Variants in USP32 observed in about 807,000 individuals in gnomAD.
USP32 encodes ubiquitin specific peptidase 32.
USP32 carries 59 observed loss-of-function variants against 204.8 expected under a neutral mutation model. The observed-to-expected ratio is 0.29, with a 90% CI of 0.23 to 0.36. The LOEUF is 0.36. USP32 is among the 10% of genes least tolerant of loss of function. The pLI, the probability that USP32 is intolerant of heterozygous loss-of-function variation, is 1.00. For synonymous variants in USP32, 517 were observed against 678.4 expected (o/e 0.76, Z 3.70); for missense variants, 1,160 against 1,946.4 (o/e 0.60, Z 7.60).
intron 28 of USP32, among the ~76,000 whole-genome samples, chr17:60,191,817 C>G (rs961804040): frequency 1.3e-5 from 2 of 152,090 alleles, no homozygotes; most frequent in African/African-American, 4.8e-5. Flanking sequence ...CCAATGCCTA[C>G]TTTAGACTCA....
chr17:60,240,490 A>AAGGG (rs1003531019), intron 11 of USP32, among the ~76,000 whole-genome samples: 3 of 139,414 alleles, frequency 2.2e-5, no homozygotes, highest in African/African-American at 1.0e-4. Flanking sequence ...AAAGAGAAAA[A>AAGGG]AGGGAGAGAG....
intron 1 of USP32, among the ~76,000 whole-genome samples, chr17:60,368,991 ATTTTT>A (rs758528054): frequency 4.4e-5 from 5 of 114,136 alleles, no homozygotes; most frequent in African/African-American, 5.1e-5. Context: ...TTTTTAAAAG[ATTTTT>A]TTTTTTTTTT....
intron 11 of USP32, chr17:60,249,672 T>C: frequency 1.4e-6 from 1 of 692,642 alleles, no homozygotes; most frequent in African/African-American, 1.8e-5. Flanking sequence ...ACCACACACT[T>C]CCATTGTTCT....
intron 3 of USP32, among the ~76,000 whole-genome samples, chr17:60,299,443 C>T (rs992090092): frequency 2.6e-5 from 4 of 152,124 alleles, no homozygotes; most frequent in African/African-American, 9.7e-5. Flanking sequence ...AGAACACATG[C>T]AAGAGGGAGA....
rs1317320659 is a variant in USP32, at chr17:60,183,232, C to T, written c.4056G>A (p.Gly1352=). 6.2e-7 allele frequency: 1 copy of T among 1,613,986 alleles called. No individual in the cohort carries two copies. The highest frequency in any genetic ancestry group is 1.1e-5 in the South Asian group (1 of 91,078). The change falls in exon 31 of 34, where the codon GGG becomes GGA. Residue 1352 remains glycine (G), a synonymous_variant. Transcript: ENST00000300896. The stretch of plus-strand genomic sequence containing the variant: ...TTTTGCTCAGGAGCACGTCCTCTTC[C>T]CCAGCCGAACTCTGCGCATCCACTT... ...VKKVDAQSSA[G]EEDVLLSKSP...
chr17:60,419,814 AAAAATTATTATT>A (rs1292229231), intron 1 of USP32, among the ~76,000 whole-genome samples: 2 of 107,796 alleles, frequency 1.9e-5, no homozygotes, highest in African/African-American at 4.1e-5. Context: ...CAAGGTTAAA[AAAAATTATTATT>A]ATTATTATTA....
In USP32 at chr17:60,179,353, G is replaced by T. The variant is rs1378518779; in HGVS notation, c.4717C>A (p.Gln1573Lys). ...FYEQQGIDYAQFLPKTDGKKM... is the reference protein window; with the variant it reads ...FYEQQGIDYAKFLPKTDGKKM... ...TTGCCATCAGTCTTTGGCAGAAATT[G>T]TGCATAGTCTATCCCCTGCTGCTCA... Residue 1573 changes from glutamine (Q) to lysine (K), a missense_variant, in exon 34 of 34, where the codon CAA becomes AAA. Gln to Lys is a moderately conservative substitution (Grantham distance 53). This residue lies in a region of USP32 where 244 missense variants were observed against 342.3 expected (regional missense o/e 0.71). Coordinates refer to ENST00000300896, the MANE Select transcript of USP32 (RefSeq NM_032582.4). The T allele has an allele frequency of 2.4e-5, 38 of 1,613,596 alleles. No homozygotes were observed. The highest frequency in any genetic ancestry group is 2.8e-5 in the Non-Finnish European group (33 of 1,179,876).
At chr17:60,315,265 C>T (rs1382779034) in intron 2 of USP32, among the ~76,000 whole-genome samples, 1 of 151,868 alleles carries the variant, frequency 6.6e-6, no homozygotes, top group Non-Finnish European at 1.5e-5. Flanking sequence ...CCAGGCGTGG[C>T]GGTGTGCGCC....
intron 1 of USP32, among the ~76,000 whole-genome samples, chr17:60,390,352 C>G (rs2089809108): frequency 6.6e-6 from 1 of 152,212 alleles, no homozygotes. Flanking sequence ...CTAATGTCCT[C>G]TTTCATGCCA....
chr17:60,396,008 CAA>C (rs922074416), upstream of USP32, among the ~76,000 whole-genome samples: 1 of 140,968 alleles, frequency 7.1e-6, no homozygotes, highest in Non-Finnish European at 1.5e-5. Context: ...ACCTTACAGT[CAA>C]ACAATATGAG....
chr17:60,363,292 T>C (rs917183754), intron 1 of USP32, among the ~76,000 whole-genome samples: 3 of 151,458 alleles, frequency 2.0e-5, no homozygotes, highest in Non-Finnish European at 2.9e-5. Flanking sequence ...CCGTCTCTAC[T>C]AAAATACAAA....
rs760892624 is a variant in USP32 at position 60,214,607 on chromosome 17, A to C, written c.2022+13T>G. 42 of 1,611,608 alleles carry C rather than the reference A, an allele frequency of 2.6e-5. No individual in the cohort carries two copies. The South Asian group carries it at 4.4e-4, about 17-fold the overall frequency. On this transcript the variant is annotated intron_variant, in intron 17 of 33. Transcript: ENST00000300896. ...AACAATCAGACTCTCTATGACTCTG[A>C]GATGCCTCTTACCTCACTGTTGTAT...
At chr17:60,383,909 C>A (rs770989474) in intron 1 of USP32, among the ~76,000 whole-genome samples, 2 of 152,168 alleles carry the variant, frequency 1.3e-5, no homozygotes, top group Admixed American at 6.5e-5. Context: ...ATAACAAGAT[C>A]TGGTTTGGAT....
At chr17:60,199,992 G>A (rs1387724805) in intron 26 of USP32, among the ~76,000 whole-genome samples, 1 of 152,004 alleles carries the variant, frequency 6.6e-6, no homozygotes, top group African/African-American at 2.4e-5. Context: ...TCAGGAGTTC[G>A]AGACCAGCCT....
At chr17:60,401,080 G>A (rs984768964) in intron 1 of USP32, among the ~76,000 whole-genome samples, 5 of 151,968 alleles carry the variant, frequency 3.3e-5, no homozygotes, top group African/African-American at 4.8e-5. Context: ...GGCTTGAACC[G>A]GGGAGGTAGA....
intron 12 of USP32, among the ~76,000 whole-genome samples, chr17:60,229,865 G>C (rs1307085321): frequency 6.6e-6 from 1 of 151,830 alleles, no homozygotes; most frequent in Admixed American, 6.6e-5. Context: ...CCAGGCTGGA[G>C]TGCAGTGGTG....
chr17:60,188,748 T>C (rs2084307491), intron 29 of USP32, among the ~76,000 whole-genome samples: 1 of 152,208 alleles, frequency 6.6e-6, no homozygotes, highest in Admixed American at 6.5e-5. Context: ...GGGAAATCAC[T>C]GGAATAAAAA....
chr17:60,341,791 T>G (rs2088664401), intron 2 of USP32, among the ~76,000 whole-genome samples: 1 of 152,186 alleles, frequency 6.6e-6, no homozygotes, highest in African/African-American at 2.4e-5. Flanking sequence ...TTATTCTAGT[T>G]AGCCATTCGT....
chr17:60,342,113 G>C (rs1208933413), intron 2 of USP32, among the ~76,000 whole-genome samples: 1 of 151,052 alleles, frequency 6.6e-6, no homozygotes, highest in Non-Finnish European at 1.5e-5. Flanking sequence ...TTTTGTTGAT[G>C]ATGATGCTAT....
Sources: gnomAD v4.1 joint callset for allele counts (sites outside exome capture counted in the v4.1 genomes callset) on GRCh38, gnomAD v4.1.1 for gene constraint, gnomAD v4.1.1 regional missense constraint, MANE v1.5 for transcripts, NCBI Gene and HGNC (gene_info 2026-07-23, HGNC 2026-07-21) for gene names.